The following SCARA5 variants were observed in gnomAD, a reference collection of about 807,000 sequenced individuals.
SCARA5 encodes the protein scavenger receptor class A member 5.
A neutral mutation model predicts 46.3 loss-of-function variants in SCARA5; 45 were observed. That is an observed-to-expected ratio of 0.97 (90% CI 0.76 to 1.24). The LOEUF (loss-of-function observed/expected upper bound fraction) is 1.24, where lower values mean the gene tolerates loss of function less well. Among genes scored for constraint, SCARA5 ranks in the 50% most tolerant of loss-of-function variants. The probability of loss-of-function intolerance (pLI) is 0.00; values close to 1 mark genes in which losing one functional copy is unlikely to be tolerated. For missense variants in SCARA5, 680 were observed against 689.0 expected (o/e 0.99, Z 0.15); for synonymous variants, 333 against 306.5 (o/e 1.09, Z -0.90).
intron 8 of SCARA5, among the ~76,000 whole-genome samples, chr8:27,875,284 T>C (rs1373304510): frequency 6.6e-6 from 1 of 151,674 alleles, no homozygotes; most frequent in Non-Finnish European, 1.5e-5. Flanking sequence ...TCTACATTTA[T>C]CCAGCTCCTA....
intron 2 of SCARA5, among the ~76,000 whole-genome samples, chr8:27,976,098 T>C (rs1485683081): frequency 4.0e-5 from 6 of 151,472 alleles, no homozygotes; most frequent in African/African-American, 1.5e-4. Flanking sequence ...GGATGCCCGG[T>C]GTGCGTCTTC....
chr8:27,922,073 C>G lies in SCARA5; in HGVS notation c.414G>C (p.Ser138=), dbSNP rs773023410. 1.3e-6 allele frequency: 2 copies of G among 1,595,896 alleles called. No individual in the cohort carries two copies. Among genetic ancestry groups the G allele is most frequent in the Admixed American group, 3.5e-5 (2 of 57,966 alleles). ...GCACTGCGCCCGCCAGCGCCAGCAA[C>G]GAGTCTGACTGGTTCTGCAGCGCGT... ...VQDALQNQSD[S]LLALAGAVQR... Residue 138 remains serine (S), a synonymous_variant, in exon 4 of 9, where the codon TCG becomes TCC. Transcript: ENST00000354914.
chr8:27,957,609 G>A (rs1808225502), intron 3 of SCARA5, among the ~76,000 whole-genome samples: 1 of 152,228 alleles, frequency 6.6e-6, no homozygotes, highest in African/African-American at 2.4e-5. Flanking sequence ...AGACCAGGAG[G>A]CTCGGGTGGG....
At chr8:27,900,791 T>TG (rs1038120347) in intron 7 of SCARA5, among the ~76,000 whole-genome samples, 1 of 137,794 alleles carries the variant, frequency 7.3e-6, no homozygotes, top group Non-Finnish European at 1.5e-5. Flanking sequence ...CGTAGCGGGT[T>TG]TTTTTTTTTT....
At chr8:27,875,746 GGAGT>G (rs1169049881) in intron 8 of SCARA5, among the ~76,000 whole-genome samples, 1 of 152,152 alleles carries the variant, frequency 6.6e-6, no homozygotes, top group Admixed American at 6.5e-5. Flanking sequence ...ACCCAGGCAG[GGAGT>G]GAGGTGACCA....
intron 3 of SCARA5, among the ~76,000 whole-genome samples, chr8:27,927,922 A>G (rs1807707903): frequency 6.6e-6 from 1 of 152,228 alleles, no homozygotes; most frequent in Non-Finnish European, 1.5e-5. Flanking sequence ...CATTATTTTT[A>G]TGTGAGTCTA....
At chr8:27,920,437 ACT>A (rs1262693383) in intron 4 of SCARA5, among the ~76,000 whole-genome samples, 1 of 151,570 alleles carries the variant, frequency 6.6e-6, no homozygotes, top group Admixed American at 6.6e-5. Context: ...ACATGGTGAA[ACT>A]CTGTCTTCTA....
At chr8:27,904,691 C>G in intron 7 of SCARA5, 87 bp downstream of exon 7, 1 of 1,224,264 alleles carries the variant, frequency 8.2e-7, no homozygotes, top group South Asian at 1.2e-5. Flanking sequence ...GCTCCAGCCT[C>G]TGAACCTCCA....
At chr8:27,928,029 G>A (rs1447586203) in intron 3 of SCARA5, among the ~76,000 whole-genome samples, 1 of 152,248 alleles carries the variant, frequency 6.6e-6, no homozygotes, top group East Asian at 1.9e-4. Flanking sequence ...AATTATTTGG[G>A]GATAAATATT....
chr8:27,888,697 T>A (rs1806935631), intron 7 of SCARA5, among the ~76,000 whole-genome samples: 1 of 152,174 alleles, frequency 6.6e-6, no homozygotes, highest in East Asian at 1.9e-4. Flanking sequence ...GGCAAGAAGA[T>A]CCCACTTCGG....
chr8:27,925,953 A>G (rs970799242), intron 3 of SCARA5, among the ~76,000 whole-genome samples: 1 of 152,186 alleles, frequency 6.6e-6, no homozygotes, highest in Admixed American at 6.5e-5. Context: ...GAAACAACAG[A>G]TGCTGGAGAG....
intron 2 of SCARA5, among the ~76,000 whole-genome samples, chr8:27,970,919 G>C (rs1291748226): frequency 1.3e-5 from 2 of 152,112 alleles, no homozygotes; most frequent in African/African-American, 4.8e-5. Flanking sequence ...CTCAGAAACT[G>C]CAAGAGGAAT....
chr8:27,898,387 G>A lies in SCARA5; in HGVS notation c.1153+6391C>T, dbSNP rs540827557. The stretch of plus-strand genomic sequence containing the variant: ...CAGATCCCATCCTCTGCACAGAACC[G>A]GGGAAAAAAGAGGAAATTGTGGCCG... On this transcript the variant is annotated intron_variant, in intron 7 of 8. Transcript: ENST00000354914. 2.6e-4 allele frequency among the ~76,000 whole-genome samples: 39 copies of A among 152,280 alleles called. No individual in the cohort carries two copies. The South Asian group carries it at 2.9e-3, about 11-fold the overall frequency.
chr8:27,880,857 G>GAAAAAAAAAAAAA (rs71222524), intron 7 of SCARA5, among the ~76,000 whole-genome samples: 1 of 94,820 alleles, frequency 1.1e-5, no homozygotes. Context: ...CCTGTCTAAG[G>GAAAAAAAAAAAAA]AAAAAAAAAA....
intron 7 of SCARA5, among the ~76,000 whole-genome samples, chr8:27,886,522 T>C (rs1029847387): frequency 1.4e-4 from 21 of 152,160 alleles, no homozygotes; most frequent in African/African-American, 4.6e-4. Context: ...ACTCAGAGTC[T>C]AAATTCAGAA....
intron 7 of SCARA5, among the ~76,000 whole-genome samples, chr8:27,880,441 T>C (rs1585460150): frequency 6.8e-6 from 1 of 146,912 alleles, no homozygotes; most frequent in South Asian, 2.1e-4. Context: ...ACCTACAGAA[T>C]GGGAGAAAAT....
intron 3 of SCARA5, among the ~76,000 whole-genome samples, chr8:27,945,539 G>A (rs1189216710): frequency 1.3e-5 from 2 of 152,116 alleles, no homozygotes; most frequent in African/African-American, 4.8e-5. Context: ...CATGTCATCC[G>A]GGATTTAACT....
At chr8:27,962,741 T>A (rs1222508984) in intron 3 of SCARA5, among the ~76,000 whole-genome samples, 3 of 152,194 alleles carry the variant, frequency 2.0e-5, no homozygotes, top group African/African-American at 7.2e-5. Flanking sequence ...CTCCTTTGTA[T>A]AATTTGGCAA....
chr8:27,910,469 G>A (rs1343217700), intron 4 of SCARA5, among the ~76,000 whole-genome samples: 2 of 152,198 alleles, frequency 1.3e-5, no homozygotes, highest in Admixed American at 6.5e-5. Context: ...GAGAAAGTGG[G>A]GCTCTTAGAG....
Sources: gnomAD v4.1 joint callset for allele counts (sites outside exome capture counted in the v4.1 genomes callset) on GRCh38, gnomAD v4.1.1 for gene constraint, MANE v1.5 for transcripts, NCBI Gene and HGNC (gene_info 2026-07-23, HGNC 2026-07-21) for gene names.